LRFN5: variants seen among roughly 807,000 people sequenced by gnomAD.
The protein encoded by LRFN5 is leucine-rich repeat and fibronectin type-III domain-containing protein 5.
A neutral mutation model predicts 45.6 loss-of-function variants in LRFN5; 24 were observed. The ratio of observed to expected loss-of-function variants is 0.53; its 90% CI spans 0.38 to 0.74. The LOEUF (loss-of-function observed/expected upper bound fraction) is 0.74. Ranked by LOEUF, LRFN5 falls within the 30% of genes least tolerant of loss-of-function variation. The pLI is 0.00. For synonymous variants in LRFN5, 340 were observed against 313.8 expected (o/e 1.08, Z -0.88); for missense variants, 776 against 861.5 (o/e 0.90, Z 1.24).
chr14:41,720,071 C>G (rs1883653711), intron 1 of LRFN5, among the ~76,000 whole-genome samples: 1 of 151,994 alleles, frequency 6.6e-6, no homozygotes, highest in African/African-American at 2.4e-5. Context: ...ATGATCCTGT[C>G]AAGCAGCTAG....
intron 1 of LRFN5, among the ~76,000 whole-genome samples, chr14:41,694,370 A>G (rs1206940460): frequency 6.6e-6 from 1 of 151,862 alleles, no homozygotes. Flanking sequence ...TAGTAACCAT[A>G]ATTCTACCCT....
At chr14:41,786,649 T>A (rs950164802) in intron 2 of LRFN5, among the ~76,000 whole-genome samples, 1 of 151,894 alleles carries the variant, frequency 6.6e-6, no homozygotes, top group Non-Finnish European at 1.5e-5. Context: ...GGTTGTGATT[T>A]TTTTTTAATT....
intron 1 of LRFN5, among the ~76,000 whole-genome samples, chr14:41,673,071 T>G (rs1265728705): frequency 1.3e-5 from 2 of 152,166 alleles, no homozygotes; most frequent in African/African-American, 4.8e-5. Flanking sequence ...GCAGAAGAAT[T>G]TTTCTTAGTA....
At chr14:41,685,303 A>G (rs1412332064) in intron 1 of LRFN5, among the ~76,000 whole-genome samples, 2 of 152,172 alleles carry the variant, frequency 1.3e-5, no homozygotes, top group Non-Finnish European at 2.9e-5. Flanking sequence ...AGTTATATAC[A>G]CAAAAGAAAG....
intron 2 of LRFN5, among the ~76,000 whole-genome samples, chr14:41,868,216 C>CT (rs1186393886): frequency 6.6e-6 from 1 of 151,998 alleles, no homozygotes; most frequent in Non-Finnish European, 1.5e-5. Flanking sequence ...CTTTTCTTTA[C>CT]TTTTTTTGTA....
At position 41,781,698 on chromosome 14, in the gene LRFN5, G is replaced by A. The variant is rs76159692; in HGVS notation, c.-21+14669G>A. Among the ~76,000 whole-genome samples, 11 of 151,056 alleles carry A rather than the reference G, an allele frequency of 7.3e-5. No homozygotes were observed. The South Asian group carries it at 2.3e-3, about 32-fold the overall frequency. ...AGAAAGAAAGAGAAAGAAAGAAAAA[G>A]AGAAAGAAAAAGAGAGAGAGGAAAG... is the stretch of plus-strand genomic sequence containing the variant. On this transcript the variant is annotated intron_variant, in intron 2 of 5. Coordinates refer to ENST00000298119, the MANE Select transcript of LRFN5 (RefSeq NM_152447.5).
Position 41,671,626 on chromosome 14 carries a change from T to TTTTTTTTTG in LRFN5, c.-197+63072_-197+63073insGTTTTTTTT, listed in dbSNP as rs1881234743. On this transcript the variant is annotated intron_variant, in intron 1 of 5. Transcript: ENST00000298119. ...GAGATTTTTTTTTTTCGTTTTTTTT[T>TTTTTTTTTG]TTTTTTTTTTTACGGAGTTTCCTCT... 2.9e-5 allele frequency among the ~76,000 whole-genome samples: 4 copies of TTTTTTTTTG among 140,014 alleles called. 1 individual carries two copies. The highest frequency in any genetic ancestry group is 1.1e-4 in the African/African-American group (4 of 36,298). 91.9% of individuals were successfully genotyped at this position (140,014 alleles called of 152,430 possible).
intron 2 of LRFN5, among the ~76,000 whole-genome samples, chr14:41,854,168 C>G (rs1219055746): frequency 6.6e-6 from 1 of 152,082 alleles, no homozygotes; most frequent in African/African-American, 2.4e-5. Flanking sequence ...CACCCTGTGT[C>G]CAAGTGTTCT....
intron 1 of LRFN5, among the ~76,000 whole-genome samples, chr14:41,745,033 T>C (rs1884865682): frequency 6.6e-6 from 1 of 152,062 alleles, no homozygotes; most frequent in Admixed American, 6.6e-5. Context: ...CAACCGGACC[T>C]AACAGATACA....
chr14:41,638,667 A>C (rs572024979), intron 1 of LRFN5, among the ~76,000 whole-genome samples: 2 of 152,150 alleles, frequency 1.3e-5, no homozygotes, highest in African/African-American at 2.4e-5. Context: ...GTTCTTTAAT[A>C]AAATAATTTT....
chr14:41,840,937 A>C (rs1490942428), intron 2 of LRFN5, among the ~76,000 whole-genome samples: 1 of 151,988 alleles, frequency 6.6e-6, no homozygotes, highest in Non-Finnish European at 1.5e-5. Context: ...TTGGTTATAC[A>C]AATGCACAGA....
chr14:41,739,642 T>C (rs1323540880), intron 1 of LRFN5, among the ~76,000 whole-genome samples: 1 of 149,682 alleles, frequency 6.7e-6, no homozygotes, highest in Non-Finnish European at 1.5e-5. Context: ...CCTAATGTTA[T>C]ACCTCTAGCA....
rs1345936735 is a variant in LRFN5 at position 41,625,862 on chromosome 14, ATTCTGCTAC to A, written c.-197+17303_-197+17311del. On this transcript the variant is annotated intron_variant, in intron 1 of 5. Transcript: ENST00000298119. ...GGAGTGTAGGTTTCTTAACAATCTTATTCTGCTACTTGATTAAATTAAATAGGTCTATAT... is the reference window on the plus strand; with the variant it reads ...GGAGTGTAGGTTTCTTAACAATCTTATTGATTAAATTAAATAGGTCTATAT... 6.6e-5 allele frequency among the ~76,000 whole-genome samples: 10 copies of A among 152,228 alleles called. No individual in the cohort carries two copies. In the South Asian group the frequency reaches 1.9e-3, roughly 28 times the overall value.
chr14:41,635,099 A>G (rs1879240111), intron 1 of LRFN5, among the ~76,000 whole-genome samples: 1 of 152,086 alleles, frequency 6.6e-6, no homozygotes, highest in Non-Finnish European at 1.5e-5. Context: ...TTATAAAAGA[A>G]CAGCATGTTG....
At chr14:41,653,082 C>G (rs768246908) in intron 1 of LRFN5, among the ~76,000 whole-genome samples, 3 of 151,976 alleles carry the variant, frequency 2.0e-5, no homozygotes, top group Non-Finnish European at 4.4e-5. Context: ...CAGAGGCATA[C>G]TTTGCAAAAA....
intron 1 of LRFN5, among the ~76,000 whole-genome samples, chr14:41,641,062 T>C: frequency 6.6e-6 from 1 of 151,610 alleles, no homozygotes; most frequent in South Asian, 2.1e-4. Flanking sequence ...AGACAAAGAA[T>C]AAAAAAAAAT....
chr14:41,770,930 T>C (rs1243536397), intron 2 of LRFN5, among the ~76,000 whole-genome samples: 1 of 151,926 alleles, frequency 6.6e-6, no homozygotes, highest in Admixed American at 6.5e-5. Context: ...AAGCTTCTGC[T>C]TGGGCACCCA....
intron 2 of LRFN5, among the ~76,000 whole-genome samples, chr14:41,806,774 C>CGTACACAG (rs1265577535): frequency 6.6e-6 from 1 of 152,100 alleles, no homozygotes; most frequent in Non-Finnish European, 1.5e-5. Context: ...GCCTGCTTAC[C>CGTACACAG]GTACACAGAC....
chr14:41,881,545 A>G (rs538464635), intron 2 of LRFN5, among the ~76,000 whole-genome samples: 2 of 152,114 alleles, frequency 1.3e-5, no homozygotes, highest in African/African-American at 4.8e-5. Context: ...TATTATCAAT[A>G]TCATCAACTC....
Sources: allele counts gnomAD v4.1 joint callset (sites outside exome capture counted in the v4.1 genomes callset), GRCh38; gene constraint gnomAD v4.1.1; transcripts MANE v1.5; gene names NCBI Gene and HGNC (gene_info 2026-07-23, HGNC 2026-07-21).